Variants in ZNF385B observed in about 807,000 individuals in gnomAD.
ZNF385B encodes zinc finger protein 533.
ZNF385B carries 23 observed loss-of-function variants against 39.2 expected under a neutral mutation model. The observed-to-expected ratio is 0.59, with a 90% CI of 0.42 to 0.83. ZNF385B has a LOEUF of 0.83. Among genes scored for constraint, ZNF385B ranks in the 40% least tolerant of loss-of-function variants. The pLI is 0.00. For synonymous variants in ZNF385B, 205 were observed against 222.6 expected, an observed-to-expected ratio of 0.92 and a Z score of 0.70; for missense variants, 552 against 598.9, an observed-to-expected ratio of 0.92 and a Z score of 0.82.
chr2:179,768,772 C>T (rs2106502113), intron 3 of ZNF385B, among the ~76,000 whole-genome samples: 2 of 152,268 alleles, frequency 1.3e-5, no homozygotes, highest in South Asian at 4.2e-4. Flanking sequence ...CAGTGACCAG[C>T]AATGTGGAAG....
intron 6 of ZNF385B, among the ~76,000 whole-genome samples, chr2:179,474,854 C>A (rs897413185): frequency 3.3e-5 from 5 of 152,188 alleles, no homozygotes; most frequent in African/African-American, 1.2e-4. Flanking sequence ...CAATAACAGG[C>A]ATTTCTGTTA....
chr2:179,806,093 T>G (rs1706331041), intron 1 of ZNF385B, among the ~76,000 whole-genome samples: 1 of 152,052 alleles, frequency 6.6e-6, no homozygotes, highest in South Asian at 2.1e-4. Context: ...ATTTTAAATT[T>G]TGTACCAACA....
intron 1 of ZNF385B, among the ~76,000 whole-genome samples, chr2:179,796,784 G>C (rs1366901718): frequency 2.0e-5 from 3 of 152,164 alleles, no homozygotes; most frequent in Non-Finnish European, 4.4e-5. Flanking sequence ...CCTGTGGACT[G>C]TTCAGGCTGA....
At chr2:179,555,942 C>A (rs1055663951) in intron 3 of ZNF385B, among the ~76,000 whole-genome samples, 3 of 149,240 alleles carry the variant, frequency 2.0e-5, no homozygotes, top group African/African-American at 7.6e-5. Context: ...CTTTTGAGCA[C>A]TGCACTGAAG....
chr2:179,721,965 C>T (rs181117016), intron 3 of ZNF385B, among the ~76,000 whole-genome samples: 1 of 151,590 alleles, frequency 6.6e-6, no homozygotes, highest in Admixed American at 6.6e-5. Context: ...TATTTATATA[C>T]AATATAAAAT....
At position 179,792,370 on chromosome 2, in the gene ZNF385B, C is replaced by CTTTTTTTTT. The variant is rs1346808450; in HGVS notation, c.-154-21699_-154-21698insAAAAAAAAA. Among the ~76,000 whole-genome samples the CTTTTTTTTT allele has an allele frequency of 8.9e-3, 625 of 70,268 alleles. 96 individuals are homozygous for CTTTTTTTTT. The highest frequency in any genetic ancestry group is 0.015 in the South Asian group (25 of 1,652). 46.1% of individuals were successfully genotyped at this position (70,268 alleles called of 152,430 possible). A position where few individuals can be genotyped will look rare whatever the true frequency, so the allele number is the denominator to read the frequency against. ...CTGAAGAAGTAGGCCATTTCATTTT[C>CTTTTTTTTT]TTTTCTTTTTTTTTTTTTTTTGAGA... On this transcript the variant is annotated intron_variant, in intron 1 of 9. Coordinates refer to ENST00000410066, the MANE Select transcript of ZNF385B (RefSeq NM_152520.6).
chr2:179,510,838 A>C (rs1210263433), intron 5 of ZNF385B, among the ~76,000 whole-genome samples: 1 of 152,216 alleles, frequency 6.6e-6, no homozygotes, highest in Non-Finnish European at 1.5e-5. Context: ...GTGATAGTTT[A>C]GAAGAAAACA....
intron 6 of ZNF385B, among the ~76,000 whole-genome samples, chr2:179,448,930 A>G (rs1022475631): frequency 2.6e-5 from 4 of 152,174 alleles, no homozygotes; most frequent in Non-Finnish European, 5.9e-5. Flanking sequence ...CCTGCTCAAC[A>G]ATCATTTGAT....
At chr2:179,495,891 T>G (rs949886918) in intron 5 of ZNF385B, among the ~76,000 whole-genome samples, 2 of 152,078 alleles carry the variant, frequency 1.3e-5, no homozygotes, top group East Asian at 3.9e-4. Flanking sequence ...CGGCTACAAA[T>G]AAGCCCAGGC....
intron 3 of ZNF385B, among the ~76,000 whole-genome samples, chr2:179,652,463 C>T (rs17820975): frequency 0.34 from 51,628 of 151,862 alleles, 9,834 homozygotes; most frequent in Admixed American, 0.43. Context: ...TGAGTACTTA[C>T]GGGATTCCCA....
chr2:179,691,157 T>C (rs1022311), intron 3 of ZNF385B, among the ~76,000 whole-genome samples: 132,208 of 152,196 alleles, frequency 0.87, 57,578 homozygotes, highest in Middle Eastern at 0.91. Flanking sequence ...CTTAAATCCT[T>C]AGGTTATTAA....
At chr2:179,640,942 T>A (rs1692210371) in intron 3 of ZNF385B, among the ~76,000 whole-genome samples, 1 of 152,190 alleles carries the variant, frequency 6.6e-6, no homozygotes, top group Admixed American at 6.5e-5. Context: ...AGTTTCAAAG[T>A]TATGAATGTA....
chr2:179,809,366 C>T (rs1263444304), intron 1 of ZNF385B, among the ~76,000 whole-genome samples: 3 of 152,140 alleles, frequency 2.0e-5, no homozygotes, highest in Non-Finnish European at 4.4e-5. Flanking sequence ...GCTCTGTTAC[C>T]TTTATAGCTT....
intron 1 of ZNF385B, among the ~76,000 whole-genome samples, chr2:179,856,914 A>C (rs1684650178): frequency 6.6e-6 from 1 of 152,216 alleles, no homozygotes; most frequent in Non-Finnish European, 1.5e-5. Context: ...GAAAATCTCC[A>C]GGCAGAGAGG....
intron 5 of ZNF385B, among the ~76,000 whole-genome samples, chr2:179,505,545 T>A (rs2057178094): frequency 6.6e-6 from 1 of 152,106 alleles, no homozygotes; most frequent in East Asian, 1.9e-4. Context: ...TGTTATTTCT[T>A]TCCAAGGAAA....
In ZNF385B at chr2:179,647,376, T is replaced by C. The variant is rs546245542; in HGVS notation, c.299-102407A>G. On this transcript the variant is annotated intron_variant, in intron 3 of 9. Transcript: ENST00000410066. ...ACCATGCTATGGATGCCCTGAAGTG[T>C]CCAGCCCATTGCTACTTAGAGCTGT... is the stretch of plus-strand genomic sequence containing the variant. 1.1e-4 allele frequency among the ~76,000 whole-genome samples: 17 copies of C among 152,216 alleles called. 1 individual carries two copies. In the Middle Eastern group the frequency reaches 0.01, roughly 91 times the overall value.
At chr2:179,621,341 C>A (rs929965167) in intron 3 of ZNF385B, among the ~76,000 whole-genome samples, 1 of 152,056 alleles carries the variant, frequency 6.6e-6, no homozygotes, top group Admixed American at 6.6e-5. Flanking sequence ...ATTTTACATA[C>A]CTTGAAAACT....
At chr2:179,859,930 A>G (rs942740450) in intron 1 of ZNF385B, among the ~76,000 whole-genome samples, 6 of 152,230 alleles carry the variant, frequency 3.9e-5, no homozygotes, top group Non-Finnish European at 8.8e-5. Context: ...TTCAAGCCAA[A>G]GCCTTTAACT....
chr2:179,707,119 C>T (rs1487222786), intron 3 of ZNF385B, among the ~76,000 whole-genome samples: 1 of 152,224 alleles, frequency 6.6e-6, no homozygotes, highest in African/African-American at 2.4e-5. Flanking sequence ...GCTGCACTTA[C>T]AGGGGGTAAC....
Sources: gnomAD v4.1 joint callset for allele counts (sites outside exome capture counted in the v4.1 genomes callset) on GRCh38, gnomAD v4.1.1 for gene constraint, MANE v1.5 for transcripts, NCBI Gene and HGNC (gene_info 2026-07-23, HGNC 2026-07-21) for gene names.